Variants in HIVEP2 observed in about 807,000 individuals in gnomAD.
The protein encoded by HIVEP2 is HIVEP zinc finger 2.
In HIVEP2, 14 loss-of-function variants were observed where a neutral mutation model predicts 180.7. The ratio of observed to expected loss-of-function variants is 0.08; its 90% CI spans 0.05 to 0.12. HIVEP2 has a LOEUF of 0.12. Among genes scored for constraint, HIVEP2 ranks in the 10% least tolerant of loss-of-function variants. HIVEP2 has a pLI of 1.00. For missense variants in HIVEP2, 2,579 were observed against 3,008.5 expected (o/e 0.86, Z 3.34); for synonymous variants, 1,184 against 1,136.4 (o/e 1.04, Z -0.84).
At chr6:142,882,483 G>A (rs1421125096) in intron 1 of HIVEP2, among the ~76,000 whole-genome samples, 1 of 151,992 alleles carries the variant, frequency 6.6e-6, no homozygotes, top group Non-Finnish European at 1.5e-5. Context: ...GAGTGGTAGT[G>A]AGCACCTGTA....
At position 142,774,162 on chromosome 6, in the gene HIVEP2, A is replaced by G; in HGVS notation, c.577T>C (p.Tyr193His). 1.2e-6 allele frequency: 2 copies of G among 1,614,176 alleles called. No homozygotes were observed. Among genetic ancestry groups the G allele is most frequent in the Non-Finnish European group, 1.7e-6 (2 of 1,180,042 alleles). The stretch of plus-strand genomic sequence containing the variant: ...GGTTTGGCACACGCTCTGCTGCAGT[A>G]AGGGCAAATGTACTTGCCAGGCTTT... ...PKKPGKYICP[Y>H]CSRACAKPSV... The change falls in exon 5 of 10, where the codon TAC (tyrosine) becomes CAC (histidine). Residue 193 changes from tyrosine (Y) to histidine (H), a missense_variant. Physicochemically the swap from Tyr to His is moderately conservative, Grantham distance 83. Coordinates refer to ENST00000367603, the MANE Select transcript of HIVEP2 (RefSeq NM_006734.4). The surrounding 1 kb of genome is among the most constrained non-coding windows in gnomAD (Gnocchi z 5.1).
chr6:142,755,069 C>G (rs9496454), intron 9 of HIVEP2, among the ~76,000 whole-genome samples: 2 of 152,146 alleles, frequency 1.3e-5, no homozygotes, highest in South Asian at 4.2e-4. Context: ...AGAAACTGTT[C>G]TATTTCAAGA....
chr6:142,858,475 T>C (rs1172526574), intron 1 of HIVEP2, among the ~76,000 whole-genome samples: 1 of 152,192 alleles, frequency 6.6e-6, no homozygotes, highest in African/African-American at 2.4e-5. Flanking sequence ...AAACAGTGCC[T>C]GGAAAATAAC....
intron 2 of HIVEP2, among the ~76,000 whole-genome samples, chr6:142,793,673 T>TTCTTTCTCTCTCTCTCTC (rs1289211652): frequency 1.9e-5 from 2 of 107,426 alleles, no homozygotes; most frequent in African/African-American, 7.4e-5. Flanking sequence ...CTTTCTTTCT[T>TTCTTTCTCTCTCTCTCTC]TCTCTCTCTC....
intron 1 of HIVEP2, among the ~76,000 whole-genome samples, chr6:142,861,350 G>A (rs1380138756): frequency 2.6e-5 from 4 of 152,214 alleles, no homozygotes; most frequent in Non-Finnish European, 5.9e-5. Context: ...TTTGACATAG[G>A]TACTAATGGC....
intron 1 of HIVEP2, among the ~76,000 whole-genome samples, chr6:142,860,882 A>G (rs905445637): frequency 2.0e-5 from 3 of 152,210 alleles, no homozygotes; most frequent in Non-Finnish European, 4.4e-5. Context: ...CAAATTCTGC[A>G]ACTTGTCTAA....
At chr6:142,765,717 G>A (rs912863819) in intron 6 of HIVEP2, among the ~76,000 whole-genome samples, 3 of 152,180 alleles carry the variant, frequency 2.0e-5, no homozygotes. Context: ...TGTTTGAAAG[G>A]ATATCTGAGG....
intron 2 of HIVEP2, among the ~76,000 whole-genome samples, chr6:142,824,350 C>T (rs1229278606): frequency 1.3e-5 from 2 of 152,094 alleles, no homozygotes; most frequent in Admixed American, 6.5e-5. Flanking sequence ...CTGTTCAAAA[C>T]AATAAAAATG....
At chr6:142,865,544 G>A (rs181603767) in intron 1 of HIVEP2, among the ~76,000 whole-genome samples, 8 of 152,120 alleles carry the variant, frequency 5.3e-5, no homozygotes, top group African/African-American at 1.7e-4. Context: ...AAATGCCTAC[G>A]AACGTACCAC....
At chr6:142,896,243 G>A (rs1338233680) in intron 1 of HIVEP2, among the ~76,000 whole-genome samples, 1 of 151,990 alleles carries the variant, frequency 6.6e-6, no homozygotes, top group Non-Finnish European at 1.5e-5. Context: ...CAACCTTATG[G>A]AGACACCCAG....
chr6:142,866,349 G>A (rs1776137374), intron 1 of HIVEP2, among the ~76,000 whole-genome samples: 1 of 152,148 alleles, frequency 6.6e-6, no homozygotes, highest in African/African-American at 2.4e-5. Flanking sequence ...ATAGATGTTA[G>A]CTACTAATAA....
At chr6:142,887,750 A>G (rs904768510) in intron 1 of HIVEP2, among the ~76,000 whole-genome samples, 3 of 152,206 alleles carry the variant, frequency 2.0e-5, no homozygotes, top group Admixed American at 6.6e-5. Flanking sequence ...CTGTGAGATC[A>G]TTTCCTGCAT....
Position 142,770,831 on chromosome 6 carries a change from C to G in HIVEP2, c.3908G>C (p.Ser1303Thr), listed in dbSNP as rs986681796. ...CTCAGAGGGCGTTTCAGTTGACTTA[C>G]TGCTCTGGTCTGATGGAAACTTTGG... ...LLPKFPSDQS[S>T]KSTETPSEQV... is the part of the protein sequence containing the mutation. The change falls in exon 5 of 10, where the codon AGT becomes ACT. Residue 1303 changes from serine to threonine, a missense_variant. Ser to Thr is a moderately conservative substitution (Grantham distance 58, BLOSUM62 1). This residue lies in a region of HIVEP2 where 523 missense variants were observed against 577.0 expected (regional missense o/e 0.91). Coordinates refer to ENST00000367603, the MANE Select transcript of HIVEP2 (RefSeq NM_006734.4). The surrounding 1 kb of genome is among the most constrained non-coding windows in gnomAD (Gnocchi z 4.7). 5 of 1,614,106 alleles carry G rather than the reference C, an allele frequency of 3.1e-6. No individual in the cohort carries two copies. Among genetic ancestry groups the G allele is most frequent in the Non-Finnish European group, 4.2e-6 (5 of 1,180,052 alleles).
In HIVEP2 at chr6:142,753,032, A is replaced by G; in HGVS notation, c.*75T>C. 1 of 867,420 alleles carries G rather than the reference A, an allele frequency of 1.2e-6. No homozygotes were observed. Among genetic ancestry groups the G allele is most frequent in the South Asian group, 1.5e-5 (1 of 68,690 alleles). 53.7% of individuals were successfully genotyped at this position (867,420 alleles called of 1,614,324 possible). On this transcript the variant is annotated 3_prime_UTR_variant, in exon 10 of 10. Coordinates refer to ENST00000367603, the MANE Select transcript of HIVEP2 (RefSeq NM_006734.4). ...TTAGGACAGGCATGCTATAAACTGG[A>G]TTACCTCCATTTCTAGAAAAACAAA... is the stretch of plus-strand genomic sequence containing the variant.
rs1455302916 is a variant in HIVEP2 at position 142,847,173 on chromosome 6, G to C, written c.-640-10126C>G. On this transcript the variant is annotated intron_variant, in intron 1 of 9. Transcript: ENST00000367603. ...GCGTGTCATCCATAATGGCATGTTG[G>C]GGGTGGAATCACTTCCAATTCCTCA... is the stretch of plus-strand genomic sequence containing the variant. Among the ~76,000 whole-genome samples, 3 of 152,188 alleles carry C rather than the reference G, an allele frequency of 2.0e-5. No individual in the cohort carries two copies. The East Asian group carries it at 5.8e-4, about 29-fold the overall frequency.
At chr6:142,918,425 G>A (rs7753077) in intron 1 of HIVEP2, among the ~76,000 whole-genome samples, 4 of 152,102 alleles carry the variant, frequency 2.6e-5, no homozygotes, top group East Asian at 1.9e-4. Flanking sequence ...ATGTGGATGC[G>A]GCATTCTTCT....
intron 1 of HIVEP2, among the ~76,000 whole-genome samples, chr6:142,906,465 C>T (rs1005053304): frequency 6.9e-6 from 1 of 144,972 alleles, no homozygotes; most frequent in African/African-American, 2.5e-5. Flanking sequence ...AATAAAGAAA[C>T]CTCTTTAATT....
In HIVEP2 at chr6:142,774,121, T is replaced by C; in HGVS notation, c.618A>G (p.Lys206=). ...GCTCCCCAGTATGGGACCTGATGTG[T>C]TTTTTCAGTACACTAGGTTTGGCAC... The part of the protein sequence containing the change: ...RACAKPSVLK[K]HIRSHTGERP... Residue 206 remains lysine, a synonymous_variant, in exon 5 of 10, where the codon AAA becomes AAG. Coordinates refer to ENST00000367603, the MANE Select transcript of HIVEP2 (RefSeq NM_006734.4). The surrounding 1 kb of genome is among the most constrained non-coding windows in gnomAD (Gnocchi z 5.1). The C allele has an allele frequency of 1.2e-6, 2 of 1,614,142 alleles. No individual in the cohort carries two copies. The highest frequency in any genetic ancestry group is 1.7e-6 in the Non-Finnish European group (2 of 1,180,024).
chr6:142,830,507 C>A lies in HIVEP2; in HGVS notation c.-528+6428G>T, dbSNP rs137873905. ...AGGTGAATTTGTGGGGGAATTTTGG[C>A]AGGGTGAAGGTTAAGAAAACCTAAA... On this transcript the variant is annotated intron_variant, in intron 2 of 9. Transcript: ENST00000367603. 2.4e-3 allele frequency among the ~76,000 whole-genome samples: 369 copies of A among 151,932 alleles called. 2 individuals are homozygous for A. Among genetic ancestry groups the A allele is most frequent in the African/African-American group, 8.5e-3 (353 of 41,420 alleles).
Sources: gnomAD v4.1 joint callset for allele counts (sites outside exome capture counted in the v4.1 genomes callset) on GRCh38, gnomAD v4.1.1 for gene constraint, gnomAD v4.1.1 regional missense constraint, Gnocchi (gnomAD v3.1) non-coding constraint, MANE v1.5 for transcripts, NCBI Gene and HGNC (gene_info 2026-07-23, HGNC 2026-07-21) for gene names.